WDPCP: variants seen among roughly 807,000 people sequenced by gnomAD.
WDPCP encodes WD repeat containing planar cell polarity effector, also known as WD repeat-containing and planar cell polarity effector protein fritz homolog.
WDPCP carries 71 observed loss-of-function variants against 93.1 expected under a neutral mutation model. The observed-to-expected ratio is 0.76, with a 90% confidence interval of 0.63 to 0.93. The LOEUF (loss-of-function observed/expected upper bound fraction) is 0.93. Among genes scored for constraint, WDPCP ranks in the 40% least tolerant of loss-of-function variants. The probability of loss-of-function intolerance (pLI) is 0.00; values close to 1 mark genes in which losing one functional copy is unlikely to be tolerated. For missense variants in WDPCP, 844 were observed against 887.4 expected (o/e 0.95, Z 0.62); for synonymous variants, 315 against 315.0 (o/e 1.00, Z 0.00).
chr2:63,492,410 C>G (rs1275030620), intron 2 of WDPCP, among the ~76,000 whole-genome samples: 1 of 151,376 alleles, frequency 6.6e-6, no homozygotes, highest in Non-Finnish European at 1.5e-5. Flanking sequence ...CATTAGCTAT[C>G]CTGTAAATAT....
chr2:63,751,144 T>C (rs548852737), intron 2 of WDPCP, among the ~76,000 whole-genome samples: 1 of 152,322 alleles, frequency 6.6e-6, no homozygotes, highest in Admixed American at 6.5e-5. Context: ...AAAATGGATA[T>C]AGGACTATTA....
chr2:63,461,686 TA>T (rs770250184), intron 6 of WDPCP, among the ~76,000 whole-genome samples: 5 of 152,202 alleles, frequency 3.3e-5, no homozygotes, highest in Non-Finnish European at 5.9e-5. Flanking sequence ...TTATAATTTT[TA>T]AAATTCAAAT....
intron 12 of WDPCP, chr2:63,369,318 C>G (rs1691192858): frequency 2.3e-6 from 1 of 430,830 alleles, no homozygotes; most frequent in Non-Finnish European, 4.7e-6. Flanking sequence ...GCCAAGCTTG[C>G]TGACAAGAAG....
intron 1 of WDPCP, among the ~76,000 whole-genome samples, chr2:63,557,390 A>G (rs935137029): frequency 2.6e-5 from 4 of 152,228 alleles, no homozygotes; most frequent in Non-Finnish European, 5.9e-5. Flanking sequence ...CTTTAAACCA[A>G]CAAAGACCAA....
At chr2:63,183,703 G>C (rs1674413898) in intron 14 of WDPCP, among the ~76,000 whole-genome samples, 1 of 152,008 alleles carries the variant, frequency 6.6e-6, no homozygotes, top group Admixed American at 6.6e-5. Flanking sequence ...TCAATGATCT[G>C]TGAACTGCTA....
chr2:63,588,929 G>C, upstream of WDPCP: 1 of 1,452,602 alleles, frequency 6.9e-7, no homozygotes, highest in Non-Finnish European at 9.7e-7. Flanking sequence ...GTCGGGAGCG[G>C]AGCCTTTTCT....
chr2:63,743,255 G>A (rs947519417), intron 2 of WDPCP, among the ~76,000 whole-genome samples: 4 of 151,996 alleles, frequency 2.6e-5, no homozygotes, highest in African/African-American at 4.8e-5. Context: ...AGCCTGCTAC[G>A]TGGCTTCCCT....
chr2:63,569,466 T>C (rs1707316067), intron 1 of WDPCP, among the ~76,000 whole-genome samples: 1 of 152,178 alleles, frequency 6.6e-6, no homozygotes, highest in African/African-American at 2.4e-5. Context: ...AAAGCTATAC[T>C]ATGTCACCAA....
At chr2:63,209,434 T>A (rs1676594756) in intron 14 of WDPCP, among the ~76,000 whole-genome samples, 1 of 152,218 alleles carries the variant, frequency 6.6e-6, no homozygotes, top group South Asian at 2.1e-4. Context: ...TGAGCCTCAT[T>A]GAATTTTTTC....
chr2:63,241,607 A>G (rs141091723), intron 14 of WDPCP, among the ~76,000 whole-genome samples: 5,258 of 152,158 alleles, frequency 0.035, 119 homozygotes, highest in Non-Finnish European at 0.05. Context: ...TTTAATTTTT[A>G]AAGTATTTTT....
At chr2:63,669,790 A>G (rs994980360) in intron 2 of WDPCP, among the ~76,000 whole-genome samples, 1 of 152,192 alleles carries the variant, frequency 6.6e-6, no homozygotes, top group Admixed American at 6.5e-5. Flanking sequence ...CCTGCACTGT[A>G]CAACTCCAGG....
intron 3 of WDPCP, among the ~76,000 whole-genome samples, chr2:63,606,317 G>A (rs1219636138): frequency 6.6e-6 from 1 of 152,144 alleles, no homozygotes; most frequent in Non-Finnish European, 1.5e-5. Context: ...GGAGATCAAG[G>A]CTGCAGTGAA....
intron 6 of WDPCP, among the ~76,000 whole-genome samples, chr2:63,446,132 C>T (rs1697845848): frequency 6.6e-6 from 1 of 152,114 alleles, no homozygotes; most frequent in Admixed American, 6.5e-5. Flanking sequence ...TTTCTCTCTC[C>T]AGCTCTTTTC....
chr2:63,828,411 C>G (rs1157353467), upstream of WDPCP, among the ~76,000 whole-genome samples: 3 of 152,068 alleles, frequency 2.0e-5, no homozygotes, highest in Admixed American at 2.0e-4. Flanking sequence ...CTTAGTACTA[C>G]TTGATATTAT....
intron 17 of WDPCP, 96 bp downstream of exon 17, chr2:63,152,818 C>T: frequency 8.6e-7 from 1 of 1,160,804 alleles, no homozygotes; most frequent in Non-Finnish European, 1.3e-6. Flanking sequence ...TAATGTAGAC[C>T]AATAGATAGC....
chr2:63,522,793 T>C (rs180737913), intron 1 of WDPCP, among the ~76,000 whole-genome samples: 1 of 152,196 alleles, frequency 6.6e-6, no homozygotes, highest in East Asian at 1.9e-4. Context: ...GACCAATAAG[T>C]AGTTTCAAAA....
intron 9 of WDPCP, among the ~76,000 whole-genome samples, chr2:63,411,337 C>A (rs1238096004): frequency 1.3e-5 from 2 of 151,886 alleles, no homozygotes; most frequent in African/African-American, 4.8e-5. Flanking sequence ...TCGAACTGAA[C>A]AACAATGACA....
At chr2:63,187,308 T>TA (rs1444917700) in intron 14 of WDPCP, among the ~76,000 whole-genome samples, 1 of 152,208 alleles carries the variant, frequency 6.6e-6, no homozygotes, top group African/African-American at 2.4e-5. Flanking sequence ...TTATTTTTTT[T>TA]ATCCATTTAG....
chr2:63,599,223 AG>A, intron 3 of WDPCP: 1 of 1,613,816 alleles, frequency 6.2e-7, no homozygotes, highest in Non-Finnish European at 8.5e-7. Context: ...CTTCCAAGTC[AG>A]CTCCATCCAT....
Sources: allele counts gnomAD v4.1 joint callset (sites outside exome capture counted in the v4.1 genomes callset), GRCh38; gene constraint gnomAD v4.1.1; transcripts MANE v1.5; gene names NCBI Gene and HGNC (gene_info 2026-07-23, HGNC 2026-07-21).